DZANK1: variants seen among roughly 807,000 people sequenced by gnomAD.
The protein encoded by DZANK1 is double zinc ribbon and ankyrin repeat domains 1, also known as double zinc ribbon and ankyrin repeat-containing protein 1.
Under a neutral mutation model 94.5 loss-of-function variants are expected in DZANK1, and 91 were observed. The observed-to-expected ratio is 0.96, with a 90% CI of 0.81 to 1.15. The LOEUF is 1.15. Ranked by LOEUF, DZANK1 falls within the 50% of genes most tolerant of loss-of-function variation. The probability of loss-of-function intolerance (pLI) is 0.00; values close to 1 mark genes in which losing one functional copy is unlikely to be tolerated. For missense variants in DZANK1, 903 were observed against 916.4 expected (o/e 0.99, Z 0.19); for synonymous variants, 312 against 325.3 (o/e 0.96, Z 0.44).
chr20:18,420,079 A>T (rs2424190), intron 10 of DZANK1: 161 of 152,762 alleles, frequency 1.1e-3, no homozygotes, highest in Non-Finnish European at 1.8e-3. Flanking sequence ...AACTTTTCTG[A>T]TGCTTATTGA....
chr20:18,450,815 G>A (rs1278080339), intron 6 of DZANK1, among the ~76,000 whole-genome samples: 1 of 152,222 alleles, frequency 6.6e-6, no homozygotes, highest in African/African-American at 2.4e-5. Context: ...GCCCTTAGAT[G>A]CCAAAAGTCC....
rs558988851 is a variant in DZANK1, at chr20:18,448,631, G to A, written c.629+353C>T. ...CACCTGTAATCTCAGCACTTTGGGA[G>A]ACCGAGGTGGGCAGATCACGAGGTC... On this transcript the variant is annotated intron_variant, in intron 7 of 20. Coordinates refer to ENST00000262547, the Ensembl canonical transcript of DZANK1. Among the ~76,000 whole-genome samples, 244 of 152,250 alleles carry A rather than the reference G, an allele frequency of 1.6e-3. 2 individuals carry two copies. The highest frequency in any genetic ancestry group is 0.01 in the Middle Eastern group (3 of 294).
chr20:18,456,375 A>G (rs1320392270), intron 3 of DZANK1, among the ~76,000 whole-genome samples: 1 of 152,230 alleles, frequency 6.6e-6, no homozygotes, highest in Non-Finnish European at 1.5e-5. Context: ...TTATTTCACT[A>G]CCAGTAGCTC....
At chr20:18,428,386 G>A (rs951714438) in intron 9 of DZANK1, among the ~76,000 whole-genome samples, 5 of 151,622 alleles carry the variant, frequency 3.3e-5, no homozygotes, top group African/African-American at 9.7e-5. Context: ...ATGAGGTTTC[G>A]CCATATGGGT....
exon 13 of DZANK1, chr20:18,412,809 A>G (rs1265508570): frequency 7.4e-6 from 12 of 1,614,016 alleles, no homozygotes; most frequent in Non-Finnish European, 1.0e-5. Flanking sequence ...TCCCAACATC[A>G]GATCTGGGCA....
chr20:18,414,883 C>T (rs558477354), intron 11 of DZANK1, among the ~76,000 whole-genome samples: 1 of 152,214 alleles, frequency 6.6e-6, no homozygotes, highest in Admixed American at 6.5e-5. Context: ...TTTACTTATA[C>T]ATGCATTGAA....
At position 18,393,814 on chromosome 20, in the gene DZANK1, GA is replaced by G. The variant is rs770711256; in HGVS notation, c.1709-4del. ...GGTACTCTGGCTGTAGTCACTCACTGAAATGACACAGTTGGGGAAAAAAATG... is the reference window on the plus strand; with the variant it reads ...GGTACTCTGGCTGTAGTCACTCACTGAATGACACAGTTGGGGAAAAAAATG... On this transcript the variant is annotated splice_region_variant and splice_polypyrimidine_tract_variant and intron_variant, in intron 16 of 20. Transcript: ENST00000262547. The G allele has an allele frequency of 6.2e-7, 1 of 1,601,472 alleles. No homozygotes were observed. Among genetic ancestry groups the G allele is most frequent in the South Asian group, 1.1e-5 (1 of 89,380 alleles).
chr20:18,389,342 T>A (rs993809224), intron 19 of DZANK1, among the ~76,000 whole-genome samples: 3 of 152,188 alleles, frequency 2.0e-5, no homozygotes, highest in African/African-American at 7.2e-5. Context: ...TCATGGGGAA[T>A]ACACTAAGGT....
At chr20:18,452,206 T>G (rs944104408) in intron 6 of DZANK1, among the ~76,000 whole-genome samples, 14 of 152,200 alleles carry the variant, frequency 9.2e-5, no homozygotes, top group African/African-American at 3.1e-4. Context: ...GAACCACAGC[T>G]CTAGATACTC....
At chr20:18,453,558 A>T (rs1223362213) in intron 5 of DZANK1, among the ~76,000 whole-genome samples, 173 bp downstream of exon 5, 2 of 152,068 alleles carry the variant, frequency 1.3e-5, no homozygotes, top group Non-Finnish European at 2.9e-5. Flanking sequence ...CTCCTTCATG[A>T]TCTTAAGCTG....
At chr20:18,431,230 GA>G (rs893848678) in intron 9 of DZANK1, among the ~76,000 whole-genome samples, 108 of 139,304 alleles carry the variant, frequency 7.8e-4, no homozygotes, top group East Asian at 1.6e-3. Context: ...AATCCCGGCA[GA>G]AAAAAAAAAA....
rs568829173 is a variant in DZANK1, at chr20:18,439,870, G to A, written c.747+3477C>T. Reference sequence around the variant, plus strand: ...GTATTCCCTGCTCCACATGATGCTGGGTGTTAGGGACTAAACTGTGCCCCC... The same window carrying A: ...GTATTCCCTGCTCCACATGATGCTGAGTGTTAGGGACTAAACTGTGCCCCC... On this transcript the variant is annotated intron_variant, in intron 8 of 20. Transcript: ENST00000262547. Among the ~76,000 whole-genome samples the A allele has an allele frequency of 7.9e-5, 12 of 152,190 alleles. No individual in the cohort carries two copies. In the East Asian group the frequency reaches 2.3e-3, roughly 29 times the overall value.
Position 18,384,984 on chromosome 20 carries a change from C to G in DZANK1, c.2093+32G>C, listed in dbSNP as rs750216642. 8 of 1,547,228 alleles carry G rather than the reference C, an allele frequency of 5.2e-6. No homozygotes were observed. In the Admixed American group the frequency reaches 1.2e-4, roughly 23 times the overall value. On this transcript the variant is annotated intron_variant, in intron 20 of 20. Transcript: ENST00000262547. ...CCATTAGGGAGATCCCTGTGGCCCT[C>G]AAAAGTATCCATCAGAGGCCAGGGG... is the stretch of plus-strand genomic sequence containing the variant.
chr20:18,466,598 T>C (rs1417607359), intron 1 of DZANK1, among the ~76,000 whole-genome samples: 1 of 152,214 alleles, frequency 6.6e-6, no homozygotes, highest in Non-Finnish European at 1.5e-5. Flanking sequence ...ATAAAAGTAG[T>C]TGAAAAATTC....
chr20:18,443,088 A>G (rs1484576316), intron 8 of DZANK1, among the ~76,000 whole-genome samples: 1 of 152,186 alleles, frequency 6.6e-6, no homozygotes, highest in Non-Finnish European at 1.5e-5. Context: ...GGAAACATTT[A>G]TTTATCCATG....
intron 9 of DZANK1, among the ~76,000 whole-genome samples, chr20:18,431,396 G>C (rs764063086): frequency 6.6e-6 from 1 of 152,120 alleles, no homozygotes; most frequent in African/African-American, 2.4e-5. Context: ...GAAAGGGGAC[G>C]GGAGCTGTCA....
At chr20:18,451,206 T>C (rs1271250582) in intron 6 of DZANK1, among the ~76,000 whole-genome samples, 4 of 152,176 alleles carry the variant, frequency 2.6e-5, no homozygotes, top group Non-Finnish European at 5.9e-5. Flanking sequence ...AGCCTCCCAG[T>C]GTGTTGGGAT....
At chr20:18,425,518 C>G (rs2057999481) in intron 10 of DZANK1, among the ~76,000 whole-genome samples, 1 of 151,448 alleles carries the variant, frequency 6.6e-6, no homozygotes, top group Non-Finnish European at 1.5e-5. Flanking sequence ...ACCACTGCAC[C>G]CCAGCCTGGG....
chr20:18,433,474 G>C (rs564984019), intron 9 of DZANK1, 178 bp downstream of exon 9: 2 of 567,876 alleles, frequency 3.5e-6, no homozygotes, highest in South Asian at 4.1e-5. Flanking sequence ...CTGAGGAGGC[G>C]GAGGTTGCAG....
Sources: gnomAD v4.1 joint callset for allele counts (sites outside exome capture counted in the v4.1 genomes callset) on GRCh38, gnomAD v4.1.1 for gene constraint, MANE v1.5 for transcripts, NCBI Gene and HGNC (gene_info 2026-07-23, HGNC 2026-07-21) for gene names.